The following CSMD1 variants were observed in gnomAD, a reference collection of about 807,000 sequenced individuals.
CSMD1 encodes CUB and sushi domain-containing protein 1.
A neutral mutation model predicts 417.5 loss-of-function variants in CSMD1; 213 were observed. The observed-to-expected ratio is 0.51, with a 90% CI of 0.46 to 0.57. The LOEUF (loss-of-function observed/expected upper bound fraction) is 0.57, where lower values mean the gene tolerates loss of function less well. Among genes scored for constraint, CSMD1 ranks in the 20% least tolerant of loss-of-function variants. CSMD1 has a pLI of 0.00. For synonymous variants in CSMD1, 2,862 were observed against 1,736.8 expected, an observed-to-expected ratio of 1.65 and a Z score of -16.11; for missense variants, 6,923 against 4,529.7, an observed-to-expected ratio of 1.53 and a Z score of -15.17.
At chr8:4,161,350 GA>G (rs1365729196) in intron 3 of CSMD1, among the ~76,000 whole-genome samples, 4 of 152,186 alleles carry the variant, frequency 2.6e-5, no homozygotes, top group African/African-American at 7.2e-5. Context: ...CGGTCTCTTT[GA>G]CTGTAAAAAT....
intron 2 of CSMD1, among the ~76,000 whole-genome samples, chr8:4,605,783 C>A (rs776387136): frequency 1.3e-5 from 2 of 152,126 alleles, no homozygotes; most frequent in African/African-American, 4.8e-5. Flanking sequence ...GCAAGCTCAC[C>A]GGTCCAATGC....
chr8:3,182,845 T>TGTGTGTGTGTGTGTGTGTGTGG (rs1821468452), intron 36 of CSMD1: 1 of 80,852 alleles, frequency 1.2e-5, no homozygotes, highest in Non-Finnish European at 2.4e-5. Flanking sequence ...TAAGAAGGTG[T>TGTGTGTGTGTGTGTGTGTGTGG]GTGTGTGTGT....
intron 3 of CSMD1, among the ~76,000 whole-genome samples, chr8:4,259,105 A>G (rs1168408090): frequency 6.6e-6 from 1 of 152,164 alleles, no homozygotes; most frequent in Non-Finnish European, 1.5e-5. Context: ...TACCTCTGAA[A>G]GGTCGTACTT....
chr8:3,546,781 G>A (rs1416871770), intron 10 of CSMD1, among the ~76,000 whole-genome samples: 4 of 152,142 alleles, frequency 2.6e-5, no homozygotes, highest in Admixed American at 6.5e-5. Flanking sequence ...TGAACTTTTT[G>A]AACAGGATTC....
chr8:3,502,599 C>T (rs746327060), intron 10 of CSMD1, among the ~76,000 whole-genome samples: 5 of 152,080 alleles, frequency 3.3e-5, no homozygotes, highest in African/African-American at 2.4e-5. Context: ...CCAAGTGAAA[C>T]AAGCCAATTT....
intron 25 of CSMD1, among the ~76,000 whole-genome samples, chr8:3,294,663 T>G (rs139612604): frequency 7.2e-5 from 11 of 152,286 alleles, no homozygotes; most frequent in Admixed American, 7.2e-4. Context: ...GCTAAGACCA[T>G]TGGAAAAGCA....
At chr8:4,157,365 A>C (rs1474569753) in intron 3 of CSMD1, among the ~76,000 whole-genome samples, 2 of 152,160 alleles carry the variant, frequency 1.3e-5, no homozygotes, top group Non-Finnish European at 2.9e-5. Flanking sequence ...TCTTTGAAGA[A>C]AATGTTTATT....
rs550702051 is a variant in CSMD1, at chr8:4,007,189, G to C, written c.611-9079C>G. On this transcript the variant is annotated intron_variant, in intron 4 of 69. Transcript: ENST00000635120. ...TCAAGCACTGATGCCCACTTTCATA[G>C]AACATGCCTTCTATATATTTTCTAT... 1.1e-4 allele frequency among the ~76,000 whole-genome samples: 16 copies of C among 152,056 alleles called. No individual in the cohort carries two copies. In the East Asian group the frequency reaches 1.2e-3, roughly 11 times the overall value.
intron 1 of CSMD1, among the ~76,000 whole-genome samples, chr8:4,855,174 G>C (rs1279443537): frequency 6.7e-6 from 1 of 150,000 alleles, no homozygotes; most frequent in African/African-American, 2.4e-5. Flanking sequence ...CACACGGCAG[G>C]GTACTCCAAC....
chr8:3,031,334 G>T, intron 50 of CSMD1, among the ~76,000 whole-genome samples: 1 of 149,306 alleles, frequency 6.7e-6, no homozygotes, highest in African/African-American at 2.5e-5. Context: ...GGAGGGTGGA[G>T]GGCTAGCACT....
At chr8:4,884,528 C>G (rs1258734689) in intron 1 of CSMD1, among the ~76,000 whole-genome samples, 1 of 151,814 alleles carries the variant, frequency 6.6e-6, no homozygotes, top group Admixed American at 6.6e-5. Context: ...TCATTTAGGT[C>G]CTTTTTGAGT....
intron 1 of CSMD1, among the ~76,000 whole-genome samples, chr8:4,767,636 T>C (rs1431358126): frequency 6.6e-6 from 1 of 152,218 alleles, no homozygotes; most frequent in Non-Finnish European, 1.5e-5. Context: ...TTAAGCTTCT[T>C]CGTCTTTCGT....
chr8:4,295,153 C>T (rs549534361), intron 3 of CSMD1, among the ~76,000 whole-genome samples: 21 of 140,172 alleles, frequency 1.5e-4, no homozygotes, highest in African/African-American at 5.2e-4. Flanking sequence ...CTTAAGATTA[C>T]GCACATATAA....
chr8:3,073,721 A>G (rs1457527172), intron 49 of CSMD1, among the ~76,000 whole-genome samples: 3 of 152,198 alleles, frequency 2.0e-5, no homozygotes, highest in Non-Finnish European at 4.4e-5. Flanking sequence ...CTTTCAATAA[A>G]ATTGAATAAA....
chr8:4,200,998 G>C (rs180993631), intron 3 of CSMD1, among the ~76,000 whole-genome samples: 1 of 152,070 alleles, frequency 6.6e-6, no homozygotes, highest in Non-Finnish European at 1.5e-5. Flanking sequence ...CCACAGCGCC[G>C]TTCATATCAG....
At position 3,946,740 on chromosome 8, in the gene CSMD1, C is replaced by G. The variant is rs147877041; in HGVS notation, c.818+51163G>C. 2.4e-4 allele frequency among the ~76,000 whole-genome samples: 37 copies of G among 152,150 alleles called. 1 individual carries two copies. Among genetic ancestry groups the G allele is most frequent in the South Asian group, 1.7e-3 (8 of 4,826 alleles). On this transcript the variant is annotated intron_variant, in intron 5 of 69. Transcript: ENST00000635120. ...TATTTTGTTAGGTCTTTAGTAATTT[C>G]TCTCAGCTATGTTTTACAGTTTCAG...
At chr8:4,048,862 G>T (rs938877143) in intron 3 of CSMD1, among the ~76,000 whole-genome samples, 1 of 152,186 alleles carries the variant, frequency 6.6e-6, no homozygotes, top group Non-Finnish European at 1.5e-5. Context: ...AATACAGATA[G>T]ATCAAGCTCA....
chr8:3,882,560 A>G lies in CSMD1; in HGVS notation c.818+115343T>C, dbSNP rs566305026. The stretch of plus-strand genomic sequence containing the variant: ...TGGACGATCGCATCCTTAGGCATAT[A>G]CCCAATATTCACCCAAGGCTAGAAT... On this transcript the variant is annotated intron_variant, in intron 5 of 69. Transcript: ENST00000635120. 1.0e-3 allele frequency among the ~76,000 whole-genome samples: 158 copies of G among 152,280 alleles called. 1 individual carries two copies. Among genetic ancestry groups the G allele is most frequent in the African/African-American group, 1.1e-3 (46 of 41,562 alleles).
In CSMD1 at chr8:4,228,012, C is replaced by T. The variant is rs189185172; in HGVS notation, c.415+191941G>A. 7.3e-5 allele frequency among the ~76,000 whole-genome samples: 11 copies of T among 151,622 alleles called. No individual in the cohort carries two copies. In the East Asian group the frequency reaches 1.9e-3, roughly 27 times the overall value. On this transcript the variant is annotated intron_variant, in intron 3 of 69. Coordinates refer to ENST00000635120, the MANE Select transcript of CSMD1 (RefSeq NM_033225.6). The stretch of plus-strand genomic sequence containing the variant: ...CTACATTAAACCCCACACCTGGAGA[C>T]ATACCCTCCACCCCACATTAAATCC...
Sources: gnomAD v4.1 joint callset for allele counts (sites outside exome capture counted in the v4.1 genomes callset) on GRCh38, gnomAD v4.1.1 for gene constraint, MANE v1.5 for transcripts, NCBI Gene and HGNC (gene_info 2026-07-23, HGNC 2026-07-21) for gene names.